The following C8orf74 variants were observed in gnomAD, a reference collection of about 807,000 sequenced individuals.
C8orf74 encodes chromosome 8 open reading frame 74.
A neutral mutation model predicts 22.2 loss-of-function variants in C8orf74; 29 were observed. That is an observed-to-expected ratio of 1.31 (90% CI 0.97 to 1.78). The LOEUF is 1.78. C8orf74 is among the 40% of genes most tolerant of loss of function. The pLI is 0.00. For synonymous variants in C8orf74, 255 were observed against 163.1 expected (o/e 1.56, Z -4.30); for missense variants, 515 against 369.9 (o/e 1.39, Z -3.22).
chr8:10,698,033 G>C, intron 3 of C8orf74, 28 bp downstream of exon 3: 1 of 1,444,672 alleles, frequency 6.9e-7, no homozygotes, highest in Admixed American at 2.7e-5. Context: ...TGCCGTGGGT[G>C]GGCACCTGGG....
At chr8:10,686,084 G>A (rs1799256450) in intron 2 of C8orf74, among the ~76,000 whole-genome samples, 1 of 152,046 alleles carries the variant, frequency 6.6e-6, no homozygotes, top group Admixed American at 6.6e-5. Context: ...GAAAAAGAAA[G>A]GAAGTAGTTA....
chr8:10,672,889 G>A (rs1798946756), intron 1 of C8orf74, among the ~76,000 whole-genome samples, 176 bp downstream of exon 1: 1 of 152,134 alleles, frequency 6.6e-6, no homozygotes, highest in South Asian at 2.1e-4. Context: ...GGGCTTACCA[G>A]CCCCTGGACC....
At chr8:10,679,410 G>T (rs184274467) in intron 2 of C8orf74, among the ~76,000 whole-genome samples, 38 of 152,242 alleles carry the variant, frequency 2.5e-4, no homozygotes, top group African/African-American at 7.9e-4. Context: ...TTCCTCCCTC[G>T]GCTTTGCTCA....
chr8:10,697,700 C>T lies in C8orf74; in HGVS notation c.343C>T (p.His115Tyr), dbSNP rs1563165431. ...THLLALCDYF[H>Y]HTFIRHYKLY... ...CCTGCTGGCCCTCTGTGACTACTTC[C>T]ACCACACCTTCATCCGCCACTACAA... Residue 115 changes from histidine to tyrosine, a missense_variant, in exon 3 of 4, where the codon CAC (histidine) becomes TAC (tyrosine). Coordinates refer to ENST00000304519, the MANE Select transcript of C8orf74 (RefSeq NM_001040032.2). The T allele has an allele frequency of 1.2e-6, 2 of 1,614,024 alleles. No individual in the cohort carries two copies. Among genetic ancestry groups the T allele is most frequent in the Non-Finnish European group, 1.7e-6 (2 of 1,179,900 alleles).
intron 2 of C8orf74, among the ~76,000 whole-genome samples, chr8:10,694,342 A>G (rs1435565380): frequency 6.6e-6 from 1 of 152,204 alleles, no homozygotes; most frequent in Non-Finnish European, 1.5e-5. Flanking sequence ...ATGTAAACTG[A>G]AAAGTATCTG....
rs1202872170 is a variant in C8orf74, at chr8:10,700,264, C to T, written c.678C>T (p.Val226=). 6.2e-7 allele frequency: 1 copy of T among 1,611,412 alleles called. No homozygotes were observed. The highest frequency in any genetic ancestry group is 1.7e-5 in the Admixed American group (1 of 59,920). ...QELESLICQA[V]HTQMELLQEL... ...TGGAGAGCCTCATCTGCCAGGCAGT[C>T]CACACCCAGATGGAGCTCCTGCAGG... Residue 226 remains valine, a synonymous_variant, in exon 4 of 4, where the codon GTC becomes GTT. Coordinates refer to ENST00000304519, the MANE Select transcript of C8orf74 (RefSeq NM_001040032.2).
intron 2 of C8orf74, among the ~76,000 whole-genome samples, chr8:10,685,899 C>G (rs1428426951): frequency 6.6e-6 from 1 of 152,106 alleles, no homozygotes; most frequent in African/African-American, 2.4e-5. Context: ...GAAATCCTGT[C>G]TCTACTAAAA....
intron 2 of C8orf74, among the ~76,000 whole-genome samples, chr8:10,682,295 CA>C (rs1799167581): frequency 6.6e-6 from 1 of 152,216 alleles, no homozygotes; most frequent in Non-Finnish European, 1.5e-5. Context: ...TTTCTTGGGA[CA>C]AACGAGCAGC....
At chr8:10,688,420 G>A (rs1005220760) in intron 2 of C8orf74, 1 of 152,136 alleles carries the variant, frequency 6.6e-6, no homozygotes, top group African/African-American at 2.4e-5. Context: ...CCTGAGGTTA[G>A]CCTGCATCTG....
In C8orf74 at chr8:10,684,075, A is replaced by G. The variant is rs74726946; in HGVS notation, c.241+9237A>G. ...GCTTCCAGGAGGACCAGGGAAGGGG[A>G]TGATGATCATAATCTCAGCCATAGA... On this transcript the variant is annotated intron_variant, in intron 2 of 3. Coordinates refer to ENST00000304519, the MANE Select transcript of C8orf74 (RefSeq NM_001040032.2). Among the ~76,000 whole-genome samples, 158 of 152,230 alleles carry G rather than the reference A, an allele frequency of 1.0e-3. 2 individuals are homozygous for G. The highest frequency in any genetic ancestry group is 3.5e-3 in the African/African-American group (144 of 41,540).
chr8:10,679,638 C>G (rs1268596363), intron 2 of C8orf74, among the ~76,000 whole-genome samples: 1 of 152,264 alleles, frequency 6.6e-6, no homozygotes, highest in Non-Finnish European at 1.5e-5. Context: ...ATCTTGGCCC[C>G]TCCGCGTTGG....
At chr8:10,684,078 A>G (rs954363155) in intron 2 of C8orf74, among the ~76,000 whole-genome samples, 5 of 152,188 alleles carry the variant, frequency 3.3e-5, no homozygotes, top group African/African-American at 1.2e-4. Flanking sequence ...GAAGGGGATG[A>G]TGATCATAAT....
Position 10,674,768 on chromosome 8 carries a change from C to T in C8orf74, c.171C>T (p.Gly57=), listed in dbSNP as rs986375297. Residue 57 remains glycine, a synonymous_variant, in exon 2 of 4, where the codon GGC becomes GGT. Transcript: ENST00000304519. ...TLYESIIFAV[G]KGFPWVEVAQ... ...ACGAGAGCATCATCTTTGCAGTGGG[C>T]AAAGGCTTCCCATGGGTGGAGGTGG... 1.2e-6 allele frequency: 2 copies of T among 1,606,920 alleles called. No homozygotes were observed. Among genetic ancestry groups the T allele is most frequent in the African/African-American group, 2.7e-5 (2 of 74,786 alleles).
chr8:10,683,111 G>A (rs553031571), intron 2 of C8orf74, among the ~76,000 whole-genome samples: 1 of 152,226 alleles, frequency 6.6e-6, no homozygotes, highest in Non-Finnish European at 1.5e-5. Flanking sequence ...CAGCCCAGGA[G>A]ACCCCCATGG....
chr8:10,690,099 C>T (rs761978317), intron 2 of C8orf74, among the ~76,000 whole-genome samples: 47 of 152,216 alleles, frequency 3.1e-4, no homozygotes, highest in Non-Finnish European at 6.2e-4. Flanking sequence ...GCAGTGTCCA[C>T]CTCCAAGAAT....
intron 2 of C8orf74, among the ~76,000 whole-genome samples, chr8:10,681,040 T>A (rs1243675633): frequency 6.6e-6 from 1 of 151,306 alleles, no homozygotes; most frequent in Non-Finnish European, 1.5e-5. Flanking sequence ...TGCATTGTGT[T>A]TGCATTCTAG....
intron 3 of C8orf74, among the ~76,000 whole-genome samples, chr8:10,698,466 G>A (rs1009813476): frequency 1.3e-5 from 2 of 152,134 alleles, no homozygotes; most frequent in Non-Finnish European, 2.9e-5. Context: ...AGGGTCATGT[G>A]ACCAGGGAGA....
chr8:10,694,287 A>G (rs972054066), intron 2 of C8orf74, among the ~76,000 whole-genome samples: 3 of 152,218 alleles, frequency 2.0e-5, no homozygotes, highest in African/African-American at 4.8e-5. Flanking sequence ...TTATAGGTTC[A>G]GTCACCGTTT....
chr8:10,690,892 G>A (rs1329535785), intron 2 of C8orf74: 2 of 456,020 alleles, frequency 4.4e-6, no homozygotes, highest in African/African-American at 4.0e-5. Flanking sequence ...AGGGGCTTGG[G>A]GACCATCTTC....
Sources: gnomAD v4.1 joint callset for allele counts (sites outside exome capture counted in the v4.1 genomes callset) on GRCh38, gnomAD v4.1.1 for gene constraint, MANE v1.5 for transcripts, NCBI Gene and HGNC (gene_info 2026-07-23, HGNC 2026-07-21) for gene names.